The following MYOM2 variants were observed in gnomAD, a reference collection of about 807,000 sequenced individuals.
The protein encoded by MYOM2 is myomesin-2.
In MYOM2, 254 loss-of-function variants were observed where a neutral mutation model predicts 187.6. The ratio of observed to expected loss-of-function variants is 1.35; its 90% CI spans 1.22 to 1.50. MYOM2 has a LOEUF of 1.50. Among genes scored for constraint, MYOM2 ranks in the 40% most tolerant of loss-of-function variants. The pLI is 0.00. For missense variants in MYOM2, 2,796 were observed against 1,924.0 expected, an observed-to-expected ratio of 1.45 and a Z score of -8.48; for synonymous variants, 981 against 753.8, an observed-to-expected ratio of 1.30 and a Z score of -4.94.
In MYOM2 at chr8:2,047,757, T is replaced by C. The variant is rs371138538; in HGVS notation, c.-13+2589T>C. On this transcript the variant is annotated intron_variant, in intron 1 of 36. Coordinates refer to ENST00000262113, the MANE Select transcript of MYOM2 (RefSeq NM_003970.4). ...TCCCGGGGAGACTTCCACAGTAAGGTACCATTGGAGTGAGGATTGCAGGAA... is the reference window on the plus strand; with the variant it reads ...TCCCGGGGAGACTTCCACAGTAAGGCACCATTGGAGTGAGGATTGCAGGAA... Among the ~76,000 whole-genome samples, 19 of 152,282 alleles carry C rather than the reference T, an allele frequency of 1.2e-4. No individual in the cohort carries two copies. In the East Asian group the frequency reaches 2.3e-3, roughly 19 times the overall value.
At chr8:2,125,516 G>A (rs879312278) in intron 31 of MYOM2, among the ~76,000 whole-genome samples, 1 of 151,622 alleles carries the variant, frequency 6.6e-6, no homozygotes, top group South Asian at 2.1e-4. Context: ...TCAGGAGTGC[G>A]ATGCCTCCAG....
At chr8:2,060,077 G>A (rs1419623078) in intron 6 of MYOM2, among the ~76,000 whole-genome samples, 2 of 152,170 alleles carry the variant, frequency 1.3e-5, no homozygotes, top group Non-Finnish European at 2.9e-5. Context: ...GTGAGACACT[G>A]CTGTTCTTTT....
chr8:2,063,482 C>A (rs1034636521), intron 6 of MYOM2, among the ~76,000 whole-genome samples: 1 of 152,144 alleles, frequency 6.6e-6, no homozygotes, highest in East Asian at 1.9e-4. Flanking sequence ...GATGTGAGCC[C>A]TCATTCTTCA....
Position 2,139,692 on chromosome 8 carries a change from A to T in MYOM2, c.3801-1031A>T, listed in dbSNP as rs1197380531. On this transcript the variant is annotated intron_variant, in intron 32 of 36. Transcript: ENST00000262113. ...CCCGAGAGAAACAGGTCCACATTCCAGCTCTTGGGTGGCCCTGGAGTCCGT... is the reference window on the plus strand; with the variant it reads ...CCCGAGAGAAACAGGTCCACATTCCTGCTCTTGGGTGGCCCTGGAGTCCGT... Among the ~76,000 whole-genome samples the T allele has an allele frequency of 2.3e-4, 35 of 152,054 alleles. 1 individual carries two copies. Among genetic ancestry groups the T allele is most frequent in the Admixed American group, 1.2e-3 (19 of 15,262 alleles).
chr8:2,136,627 G>C (rs1199156219), intron 32 of MYOM2, among the ~76,000 whole-genome samples: 1 of 147,240 alleles, frequency 6.8e-6, no homozygotes, highest in African/African-American at 2.6e-5. Flanking sequence ...AAGCAATTGT[G>C]TGCAGTGGGG....
intron 8 of MYOM2, among the ~76,000 whole-genome samples, chr8:2,071,331 C>A (rs1364414966): frequency 6.6e-6 from 1 of 152,060 alleles, no homozygotes; most frequent in Non-Finnish European, 1.5e-5. Flanking sequence ...ATGCATGTGT[C>A]TGTAAACCAT....
chr8:2,068,468 G>C (rs1013019538), intron 6 of MYOM2, among the ~76,000 whole-genome samples: 1 of 149,366 alleles, frequency 6.7e-6, no homozygotes, highest in African/African-American at 2.5e-5. Flanking sequence ...CAGGCGGAGA[G>C]CATCCCGTGG....
rs755545953 is a variant in MYOM2, at chr8:2,140,766, A to C, written c.3844A>C (p.Ser1282Arg). The C allele has an allele frequency of 3.7e-6, 6 of 1,613,962 alleles. No homozygotes were observed. The Admixed American group carries it at 1.0e-4, about 27-fold the overall frequency. Residue 1282 changes from serine to arginine, a missense_variant, in exon 33 of 37, where the codon AGT (serine) becomes CGT (arginine). Ser to Arg is a moderately radical substitution (Grantham distance 110). Transcript: ENST00000262113. ...CAGTGAGCATATGAGAATCGGGGGG[A>C]GTGAAGAGATGGCTTGGCTGCAGAT... ...SSSEHMRIGG[S>R]EEMAWLQICE...
At chr8:2,083,336 C>A (rs1236187207) in intron 13 of MYOM2, among the ~76,000 whole-genome samples, 1 of 152,128 alleles carries the variant, frequency 6.6e-6, no homozygotes, top group Non-Finnish European at 1.5e-5. Flanking sequence ...CTCACGTGTG[C>A]TTAGCGGTAT....
intron 21 of MYOM2, 40 bp from the exon 22 acceptor site, chr8:2,106,202 C>G (rs761921973): frequency 6.3e-7 from 1 of 1,593,128 alleles, no homozygotes; most frequent in Non-Finnish European, 8.6e-7. Context: ...GAAAGAACAC[C>G]GTGTCCCTAA....
chr8:2,049,018 C>G (rs2129326315), intron 1 of MYOM2, among the ~76,000 whole-genome samples: 1 of 152,206 alleles, frequency 6.6e-6, no homozygotes, highest in South Asian at 2.1e-4. Context: ...GTCTCAATCT[C>G]CTGACCTCGT....
In MYOM2 at chr8:2,100,868, C is replaced by T. The variant is rs1244338906; in HGVS notation, c.2441-8C>T. On this transcript the variant is annotated splice_region_variant and splice_polypyrimidine_tract_variant and intron_variant, in intron 19 of 36. Transcript: ENST00000262113. ...CGCGCAGAAACAAGGTGGCATCTGACTTCACAGGTCCTGCCTACGACTTGA... is the reference window on the plus strand; with the variant it reads ...CGCGCAGAAACAAGGTGGCATCTGATTTCACAGGTCCTGCCTACGACTTGA... 1 of 1,613,858 alleles carries T rather than the reference C, an allele frequency of 6.2e-7. No homozygotes were observed. The highest frequency in any genetic ancestry group is 1.1e-5 in the South Asian group (1 of 91,086).
At chr8:2,072,608 C>A in intron 9 of MYOM2, 99 bp downstream of exon 9, 1 of 1,388,360 alleles carries the variant, frequency 7.2e-7, no homozygotes. Flanking sequence ...GTCTCTACCA[C>A]TGGGTCAGCT....
chr8:2,076,017 A>G (rs1228031838), intron 10 of MYOM2, 124 bp from the exon 11 acceptor site: 3 of 852,290 alleles, frequency 3.5e-6, no homozygotes, highest in Middle Eastern at 3.8e-4. Flanking sequence ...TACTTTGAAC[A>G]TGAGAATTAA....
At chr8:2,099,129 C>A (rs772282639) in intron 19 of MYOM2, 146 bp downstream of exon 19, 3 of 1,129,682 alleles carry the variant, frequency 2.7e-6, no homozygotes, top group Non-Finnish European at 3.7e-6. Flanking sequence ...GTGCGCCAGG[C>A]GCCGTGCAGG....
intron 6 of MYOM2, among the ~76,000 whole-genome samples, chr8:2,067,964 C>G (rs1819072515): frequency 6.6e-6 from 1 of 152,034 alleles, no homozygotes; most frequent in African/African-American, 2.4e-5. Flanking sequence ...GAGTTTGTCA[C>G]TTAGAAGTTA....
Position 2,099,456 on chromosome 8 carries a change from C to T in MYOM2, c.2440+473C>T, listed in dbSNP as rs559725838. ...GTCCTCTCAGGCCATCTGGGGATCT[C>T]GGGGGAGGCACGACAGGGTTCTCAT... On this transcript the variant is annotated intron_variant, in intron 19 of 36. Coordinates refer to ENST00000262113, the MANE Select transcript of MYOM2 (RefSeq NM_003970.4). Among the ~76,000 whole-genome samples, 395 of 150,848 alleles carry T rather than the reference C, an allele frequency of 2.6e-3. 1 individual carries two copies. The highest frequency in any genetic ancestry group is 9.3e-3 in the African/African-American group (380 of 40,998).
At chr8:2,125,962 T>C (rs1282225429) in intron 31 of MYOM2, among the ~76,000 whole-genome samples, 1 of 152,112 alleles carries the variant, frequency 6.6e-6, no homozygotes, top group Admixed American at 6.5e-5. Context: ...GAAATTTTGA[T>C]AAGAATTGCA....
rs1268794419 is a variant in MYOM2 at position 2,139,693 on chromosome 8, G to GTTT, written c.3801-1030_3801-1029insTTT. Among the ~76,000 whole-genome samples the GTTT allele has an allele frequency of 2.3e-4, 35 of 152,132 alleles. 1 individual carries two copies. Among genetic ancestry groups the GTTT allele is most frequent in the Admixed American group, 1.2e-3 (19 of 15,270 alleles). On this transcript the variant is annotated intron_variant, in intron 32 of 36. Transcript: ENST00000262113. ...CCGAGAGAAACAGGTCCACATTCCA[G>GTTT]CTCTTGGGTGGCCCTGGAGTCCGTC...
Sources: gnomAD v4.1 joint callset for allele counts (sites outside exome capture counted in the v4.1 genomes callset) on GRCh38, gnomAD v4.1.1 for gene constraint, MANE v1.5 for transcripts, NCBI Gene and HGNC (gene_info 2026-07-23, HGNC 2026-07-21) for gene names.